TMTC1: variants seen among roughly 807,000 people sequenced by gnomAD.
TMTC1 encodes transmembrane O-mannosyltransferase targeting cadherins 1, also known as protein O-mannosyl-transferase TMTC1.
Under a neutral mutation model 104.8 loss-of-function variants are expected in TMTC1, and 73 were observed. That is an observed-to-expected ratio of 0.70 (90% CI 0.58 to 0.85). The LOEUF (loss-of-function observed/expected upper bound fraction) is 0.85, where lower values mean the gene tolerates loss of function less well. TMTC1 is among the 40% of genes least tolerant of loss of function. The pLI is 0.00. For synonymous variants in TMTC1, 434 were observed against 428.7 expected (o/e 1.01, Z -0.15); for missense variants, 1,035 against 1,096.1 (o/e 0.94, Z 0.79).
chr12:29,563,787 C>G lies in TMTC1; in HGVS notation c.1533-6787G>C, dbSNP rs183167156. Among the ~76,000 whole-genome samples the G allele has an allele frequency of 9.3e-4, 141 of 152,282 alleles. 1 individual carries two copies. Among genetic ancestry groups the G allele is most frequent in the Admixed American group, 9.1e-3 (139 of 15,290 alleles). ...TGTGCCAGACCGTTTGCTAAGGGCA[C>G]ACAGCATTAAAGAGAAAGCTGTCCT... On this transcript the variant is annotated intron_variant, in intron 9 of 17. Coordinates refer to ENST00000539277, the MANE Select transcript of TMTC1 (RefSeq NM_001193451.2).
chr12:29,716,602 T>C (rs1003914582), intron 5 of TMTC1, among the ~76,000 whole-genome samples: 1 of 152,112 alleles, frequency 6.6e-6, no homozygotes, highest in East Asian at 1.9e-4. Flanking sequence ...GATTTTTTTA[T>C]TGCAAAGAAA....
At chr12:29,706,163 T>C (rs61735711) in intron 5 of TMTC1, among the ~76,000 whole-genome samples, 2,092 of 152,220 alleles carry the variant, frequency 0.014, 51 homozygotes, top group African/African-American at 0.045. Context: ...TGTCAGTAAA[T>C]GGCACACAAA....
chr12:29,630,515 G>C (rs1404228724), intron 6 of TMTC1, among the ~76,000 whole-genome samples: 1 of 152,100 alleles, frequency 6.6e-6, no homozygotes, highest in East Asian at 1.9e-4. Flanking sequence ...TTTGGGTGGG[G>C]ACACAGCCAA....
chr12:29,597,461 T>G (rs1245787436), intron 7 of TMTC1, among the ~76,000 whole-genome samples: 1 of 151,888 alleles, frequency 6.6e-6, no homozygotes, highest in Non-Finnish European at 1.5e-5. Flanking sequence ...ACACCAAGGC[T>G]TCCTGACCAC....
intron 5 of TMTC1, among the ~76,000 whole-genome samples, chr12:29,723,579 T>G (rs1942298669): frequency 6.6e-6 from 1 of 151,598 alleles, no homozygotes; most frequent in Admixed American, 6.6e-5. Flanking sequence ...TTTTAATTAG[T>G]CAGATGTCTG....
At chr12:29,738,516 T>C (rs1166238391) in intron 5 of TMTC1, among the ~76,000 whole-genome samples, 2 of 152,238 alleles carry the variant, frequency 1.3e-5, no homozygotes, top group African/African-American at 4.8e-5. Context: ...AATATTAGGC[T>C]GCAGAGCTTC....
intron 3 of TMTC1, among the ~76,000 whole-genome samples, chr12:29,756,261 T>G (rs776250465): frequency 6.6e-5 from 10 of 152,188 alleles, no homozygotes; most frequent in Non-Finnish European, 1.3e-4. Flanking sequence ...AGCCGTCAAT[T>G]AACAGGATAA....
chr12:29,627,333 T>A (rs1193314645), intron 6 of TMTC1, among the ~76,000 whole-genome samples: 1 of 152,130 alleles, frequency 6.6e-6, no homozygotes, highest in Non-Finnish European at 1.5e-5. Flanking sequence ...GATATAAGGA[T>A]GGCCAATAAA....
In TMTC1 at chr12:29,528,085, G is replaced by A. The variant is rs555722195; in HGVS notation, c.1786-7365C>T. Among the ~76,000 whole-genome samples the A allele has an allele frequency of 4.6e-5, 7 of 152,276 alleles. No homozygotes were observed. In the South Asian group the frequency reaches 1.0e-3, roughly 23 times the overall value. On this transcript the variant is annotated intron_variant, in intron 11 of 17. Coordinates refer to ENST00000539277, the MANE Select transcript of TMTC1 (RefSeq NM_001193451.2). ...AACACTTCTCCAGGAAGAAAATACT[G>A]TATGGGTGTTTAAAGTAAATTCCGC...
intron 7 of TMTC1, among the ~76,000 whole-genome samples, chr12:29,599,881 C>CATATATATGTGTATAT (rs1565699436): frequency 6.8e-6 from 1 of 146,268 alleles, no homozygotes; most frequent in African/African-American, 2.6e-5. Flanking sequence ...TTGAGTACAC[C>CATATATATGTGTATAT]ATATATATGT....
At chr12:29,672,762 G>C (rs1331252561) in intron 5 of TMTC1, among the ~76,000 whole-genome samples, 2 of 152,160 alleles carry the variant, frequency 1.3e-5, no homozygotes, top group Non-Finnish European at 2.9e-5. Context: ...AGGACATTTG[G>C]CATCCTGGGC....
At position 29,733,937 on chromosome 12, in the gene TMTC1, T is replaced by C. The variant is rs184270763; in HGVS notation, c.938+17729A>G. On this transcript the variant is annotated intron_variant, in intron 5 of 17. Coordinates refer to ENST00000539277, the MANE Select transcript of TMTC1 (RefSeq NM_001193451.2). The stretch of plus-strand genomic sequence containing the variant: ...TTTTTTCATTGCAGTTTCCACAACA[T>C]ATTAATGCACTTGAAGTTGTTTATC... 3.0e-3 allele frequency among the ~76,000 whole-genome samples: 453 copies of C among 152,356 alleles called. 5 individuals are homozygous for C. The highest frequency in any genetic ancestry group is 0.017 in the South Asian group (81 of 4,828).
intron 5 of TMTC1, among the ~76,000 whole-genome samples, chr12:29,671,019 C>T (rs1220785662): frequency 1.9e-4 from 28 of 150,396 alleles, no homozygotes; most frequent in Non-Finnish European, 2.8e-4. Context: ...GTCAGCCAGG[C>T]GCAGTGGCTT....
chr12:29,591,713 G>A (rs1946285263), intron 7 of TMTC1, among the ~76,000 whole-genome samples: 1 of 152,130 alleles, frequency 6.6e-6, no homozygotes, highest in African/African-American at 2.4e-5. Context: ...TAAAAACACT[G>A]GCATTTCTCT....
At chr12:29,521,358 C>T (rs956393950) in intron 11 of TMTC1, among the ~76,000 whole-genome samples, 7 of 152,078 alleles carry the variant, frequency 4.6e-5, no homozygotes, top group Admixed American at 3.3e-4. Context: ...ATGCTTTCCA[C>T]CTCTGAGCTG....
At chr12:29,713,607 T>C (rs1377982830) in intron 5 of TMTC1, among the ~76,000 whole-genome samples, 1 of 152,152 alleles carries the variant, frequency 6.6e-6, no homozygotes, top group Non-Finnish European at 1.5e-5. Context: ...ATCAAAAGAC[T>C]TTTGGTAGTG....
chr12:29,578,668 A>G (rs1052848113), intron 8 of TMTC1, among the ~76,000 whole-genome samples: 1 of 152,170 alleles, frequency 6.6e-6, no homozygotes, highest in Non-Finnish European at 1.5e-5. Flanking sequence ...AATAACAAAA[A>G]AGCTACTTTA....
chr12:29,680,248 TG>T (rs139220195), intron 5 of TMTC1, among the ~76,000 whole-genome samples: 33,341 of 152,116 alleles, frequency 0.22, 4,537 homozygotes, highest in Non-Finnish European at 0.31. Flanking sequence ...AAAAGATAAT[TG>T]ATTTTGACAG....
At chr12:29,705,884 C>T (rs1941726861) in intron 5 of TMTC1, among the ~76,000 whole-genome samples, 1 of 152,106 alleles carries the variant, frequency 6.6e-6, no homozygotes, top group Non-Finnish European at 1.5e-5. Flanking sequence ...CCCCAAATAT[C>T]ATGTGCTCTA....
Sources: gnomAD v4.1 joint callset for allele counts (sites outside exome capture counted in the v4.1 genomes callset) on GRCh38, gnomAD v4.1.1 for gene constraint, MANE v1.5 for transcripts, NCBI Gene and HGNC (gene_info 2026-07-23, HGNC 2026-07-21) for gene names.